CECR2: variants seen among roughly 807,000 people sequenced by gnomAD.
The protein encoded by CECR2 is chromatin remodeling regulator CECR2.
CECR2 carries 30 observed loss-of-function variants against 154.5 expected under a neutral mutation model. The ratio of observed to expected loss-of-function variants is 0.19; its 90% CI spans 0.15 to 0.26. CECR2 has a LOEUF of 0.26. Among genes scored for constraint, CECR2 ranks in the 10% least tolerant of loss-of-function variants. The pLI, the probability that CECR2 is intolerant of heterozygous loss-of-function variation, is 1.00. For missense variants in CECR2, 1,743 were observed against 1,829.3 expected, an observed-to-expected ratio of 0.95 and a Z score of 0.86; for synonymous variants, 725 against 683.7, an observed-to-expected ratio of 1.06 and a Z score of -0.94.
chr22:17,379,248 G>A (rs142498956), intron 1 of CECR2, among the ~76,000 whole-genome samples: 6 of 152,182 alleles, frequency 3.9e-5, no homozygotes, highest in South Asian at 2.1e-4. Flanking sequence ...TGAGCCCCCC[G>A]CGCCTGGCAT....
intron 1 of CECR2, among the ~76,000 whole-genome samples, chr22:17,408,548 A>G (rs1601305403): frequency 6.6e-6 from 1 of 152,130 alleles, no homozygotes; most frequent in Non-Finnish European, 1.5e-5. Context: ...AACATTTTTA[A>G]TCCTACACTG....
intron 16 of CECR2, among the ~76,000 whole-genome samples, chr22:17,545,569 G>GC (rs2056600859): frequency 6.6e-6 from 1 of 152,012 alleles, no homozygotes; most frequent in Non-Finnish European, 1.5e-5. Flanking sequence ...TCCTGGCTGA[G>GC]CACGGTGGCT....
intron 1 of CECR2, among the ~76,000 whole-genome samples, chr22:17,457,181 C>T (rs2054867298): frequency 6.6e-6 from 1 of 152,242 alleles, no homozygotes; most frequent in South Asian, 2.1e-4. Context: ...ACATACGCCA[C>T]CACGCCTGGC....
chr22:17,400,898 A>G (rs2053881841), intron 1 of CECR2, among the ~76,000 whole-genome samples: 2 of 152,046 alleles, frequency 1.3e-5, no homozygotes, highest in Admixed American at 1.3e-4. Context: ...CTACAGGCGC[A>G]TGCCACCGTG....
At chr22:17,410,439 T>TTTTTG (rs1305644440) in intron 1 of CECR2, among the ~76,000 whole-genome samples, 2 of 151,934 alleles carry the variant, frequency 1.3e-5, no homozygotes, top group Non-Finnish European at 1.5e-5. Flanking sequence ...AACAAGCGTT[T>TTTTTG]TTTTGTTTTG....
intron 8 of CECR2, chr22:17,518,647 T>C (rs1003717201): frequency 3.2e-5 from 14 of 442,770 alleles, no homozygotes; most frequent in African/African-American, 1.8e-4. Context: ...TGCACACAGA[T>C]TGAATTTGCT....
At chr22:17,435,400 C>T (rs895064917) in intron 1 of CECR2, among the ~76,000 whole-genome samples, 7 of 152,010 alleles carry the variant, frequency 4.6e-5, no homozygotes, top group Admixed American at 2.0e-4. Flanking sequence ...GCAGAAAGAT[C>T]GGAAAGCAAG....
At chr22:17,550,633 C>G (rs1004220182) in intron 17 of CECR2, among the ~76,000 whole-genome samples, 1 of 152,102 alleles carries the variant, frequency 6.6e-6, no homozygotes, top group Non-Finnish European at 1.5e-5. Context: ...GTTTTCAAAT[C>G]GATAGATACA....
chr22:17,496,191 C>T (rs1034469894), intron 2 of CECR2, among the ~76,000 whole-genome samples: 1 of 152,080 alleles, frequency 6.6e-6, no homozygotes, highest in Non-Finnish European at 1.5e-5. Context: ...CATGCTGAGA[C>T]CCCATCTCTG....
chr22:17,544,992 C>A (rs1455187605), intron 16 of CECR2, among the ~76,000 whole-genome samples: 2 of 151,900 alleles, frequency 1.3e-5, no homozygotes, highest in African/African-American at 4.8e-5. Flanking sequence ...TGAAAGTTAT[C>A]AAGTGAATTT....
chr22:17,433,768 G>A (rs2146644149), intron 1 of CECR2, among the ~76,000 whole-genome samples: 1 of 152,284 alleles, frequency 6.6e-6, no homozygotes, highest in Non-Finnish European at 1.5e-5. Context: ...CAGTGTTACT[G>A]TGAATATCCA....
chr22:17,527,212 C>T (rs1221439922), intron 9 of CECR2, among the ~76,000 whole-genome samples: 2 of 152,224 alleles, frequency 1.3e-5, no homozygotes, highest in Non-Finnish European at 2.9e-5. Context: ...AAGCTCAGCA[C>T]TTTGGGAGGC....
At chr22:17,495,567 T>TTA (rs1555918314) in intron 2 of CECR2, among the ~76,000 whole-genome samples, 1,312 of 124,826 alleles carry the variant, frequency 0.011, 22 homozygotes, top group African/African-American at 0.039. Flanking sequence ...AAAACTCCAT[T>TTA]AAAAAAAAAA....
At chr22:17,528,011 A>G (rs145351583) in intron 9 of CECR2, among the ~76,000 whole-genome samples, 48 of 152,294 alleles carry the variant, frequency 3.2e-4, no homozygotes, top group East Asian at 1.3e-3. Flanking sequence ...TCCTTAGAAA[A>G]CTAAAAAGAG....
chr22:17,419,713 G>A, intron 1 of CECR2: 1 of 97,452 alleles, frequency 1.0e-5, no homozygotes, highest in Non-Finnish European at 1.9e-5. Flanking sequence ...TGGAGCTAGA[G>A]AGCTGATGGA....
chr22:17,446,010 T>A (rs1014741857), intron 1 of CECR2, among the ~76,000 whole-genome samples: 1 of 152,244 alleles, frequency 6.6e-6, no homozygotes, highest in African/African-American at 2.4e-5. Flanking sequence ...GTTGGTTGAA[T>A]CTGCCAGCAT....
rs547004614 is a variant in CECR2, at chr22:17,463,167, G to A, written c.127-14421G>A. On this transcript the variant is annotated intron_variant, in intron 1 of 18. Transcript: ENST00000262608. The stretch of plus-strand genomic sequence containing the variant: ...TAGTGCAGATGCCCCAGCCGGGAGT[G>A]CTGAGTGTATCTGAGGAGCAGGTAA... Among the ~76,000 whole-genome samples the A allele has an allele frequency of 2.6e-5, 4 of 152,318 alleles. No individual in the cohort carries two copies. The East Asian group carries it at 7.7e-4, about 29-fold the overall frequency.
At chr22:17,364,951 G>A (rs919277768), upstream of CECR2, among the ~76,000 whole-genome samples, 3 of 152,122 alleles carry the variant, frequency 2.0e-5, no homozygotes, top group Non-Finnish European at 4.4e-5. Context: ...TTGGCTGGGC[G>A]CAGTGGCTCA....
At position 17,553,675 on chromosome 22, in the gene CECR2, A is replaced by T. The variant is rs533188413; in HGVS notation, c.*835A>T. The stretch of plus-strand genomic sequence containing the variant: ...AGCCCGGAAGACAGGCTGCTCTCTC[A>T]TGCTGGTGGCCCAAATTGAGAAAGT... On this transcript the variant is annotated 3_prime_UTR_variant, in exon 19 of 19. Coordinates refer to ENST00000262608, the MANE Select transcript of CECR2 (RefSeq NM_001290047.2). 6.6e-6 allele frequency: 1 copy of T among 152,242 alleles called. No individual in the cohort carries two copies. Among genetic ancestry groups the T allele is most frequent in the African/African-American group, 2.4e-5 (1 of 41,464 alleles). 9.4% of individuals were successfully genotyped at this position (152,242 alleles called of 1,614,324 possible). A position where few individuals can be genotyped will look rare whatever the true frequency, so the allele number is the denominator to read the frequency against.
Sources: allele counts gnomAD v4.1 joint callset (sites outside exome capture counted in the v4.1 genomes callset), GRCh38; gene constraint gnomAD v4.1.1; transcripts MANE v1.5; gene names NCBI Gene and HGNC (gene_info 2026-07-23, HGNC 2026-07-21).